Variants in CMAS observed in about 807,000 individuals in gnomAD.
CMAS encodes the protein N-acylneuraminate cytidylyltransferase.
Under a neutral mutation model 53.4 loss-of-function variants are expected in CMAS, and 21 were observed. The observed-to-expected ratio is 0.39, with a 90% CI of 0.28 to 0.57. CMAS has a LOEUF of 0.57. Ranked by LOEUF, CMAS falls within the 20% of genes least tolerant of loss-of-function variation. The pLI, the probability that CMAS is intolerant of heterozygous loss-of-function variation, is 0.56. For synonymous variants in CMAS, 189 were observed against 195.2 expected (o/e 0.97, Z 0.27); for missense variants, 384 against 534.9 (o/e 0.72, Z 2.78).
intron 2 of CMAS, 78 bp from the exon 3 acceptor site, chr12:22,055,377 A>T: frequency 1.4e-6 from 2 of 1,481,308 alleles, no homozygotes; most frequent in East Asian, 4.7e-5. Context: ...TTAACATTTG[A>T]ATTCCAAACC....
At chr12:22,051,197 A>G (rs1950238114) in intron 1 of CMAS, among the ~76,000 whole-genome samples, 1 of 152,240 alleles carries the variant, frequency 6.6e-6, no homozygotes, top group Non-Finnish European at 1.5e-5. Context: ...TTAGTAGTTA[A>G]GAAAAATGCT....
chr12:22,048,149 G>A (rs535419625), intron 1 of CMAS, among the ~76,000 whole-genome samples: 1 of 152,264 alleles, frequency 6.6e-6, no homozygotes, highest in African/African-American at 2.4e-5. Flanking sequence ...TGTATGTACC[G>A]AACCACGTGT....
At chr12:22,054,135 C>T (rs1591793058) in intron 1 of CMAS, among the ~76,000 whole-genome samples, 1 of 151,908 alleles carries the variant, frequency 6.6e-6, no homozygotes, top group East Asian at 2.0e-4. Flanking sequence ...CCGTGTTGGC[C>T]AGGCTGGTCT....
At chr12:22,063,384 G>A in intron 7 of CMAS, among the ~76,000 whole-genome samples, 1 of 152,070 alleles carries the variant, frequency 6.6e-6, no homozygotes, top group Non-Finnish European at 1.5e-5. Flanking sequence ...TTTATTAGAA[G>A]AAAATTTTAG....
At chr12:22,054,851 G>A (rs1303931148) in intron 1 of CMAS, among the ~76,000 whole-genome samples, 1 of 152,012 alleles carries the variant, frequency 6.6e-6, no homozygotes, top group Non-Finnish European at 1.5e-5. Context: ...TACCTGATAG[G>A]TAGTTTTTTG....
At chr12:22,062,213 G>T in intron 6 of CMAS, 68 bp from the exon 7 acceptor site, 1 of 1,409,354 alleles carries the variant, frequency 7.1e-7, no homozygotes, top group South Asian at 1.4e-5. Context: ...TATTATGAAA[G>T]ATTTCTGTTT....
chr12:22,058,725 C>T (rs751783096), intron 4 of CMAS, 25 bp downstream of exon 4: 118 of 1,606,012 alleles, frequency 7.3e-5, no homozygotes, highest in Non-Finnish European at 8.6e-5. Context: ...TTTGCATAAC[C>T]CTTTTAAGCG....
At chr12:22,051,654 G>A (rs1950240006) in intron 1 of CMAS, among the ~76,000 whole-genome samples, 1 of 152,072 alleles carries the variant, frequency 6.6e-6, no homozygotes, top group Non-Finnish European at 1.5e-5. Flanking sequence ...TCTTTCATAG[G>A]TTATGATCAT....
chr12:22,060,480 T>C (rs991679153), intron 4 of CMAS, among the ~76,000 whole-genome samples: 5 of 151,324 alleles, frequency 3.3e-5, no homozygotes, highest in African/African-American at 9.7e-5. Context: ...CAAGATCTTA[T>C]ATCTACAAAA....
At chr12:22,057,585 G>A (rs1021409822) in intron 3 of CMAS, among the ~76,000 whole-genome samples, 1 of 151,918 alleles carries the variant, frequency 6.6e-6, no homozygotes, top group Admixed American at 6.6e-5. Context: ...ACTTATTTCT[G>A]TATATGCAAA....
At chr12:22,046,901 T>G (rs1250388297) in intron 1 of CMAS, among the ~76,000 whole-genome samples, 1 of 152,190 alleles carries the variant, frequency 6.6e-6, no homozygotes, top group African/African-American at 2.4e-5. Flanking sequence ...GCCACCCCGG[T>G]GCAACATCTG....
At chr12:22,053,767 T>C (rs1950250435) in intron 1 of CMAS, among the ~76,000 whole-genome samples, 2 of 148,216 alleles carry the variant, frequency 1.3e-5, no homozygotes, top group African/African-American at 2.5e-5. Flanking sequence ...TAGTCCCAGC[T>C]ACTTGGGAGG....
intron 2 of CMAS, 41 bp from the exon 3 acceptor site, chr12:22,055,414 T>A: frequency 6.5e-7 from 1 of 1,534,794 alleles, no homozygotes; most frequent in Non-Finnish European, 8.7e-7. Context: ...GCAAGGAACT[T>A]TTTTTTTAAA....
At chr12:22,056,668 C>G (rs1950270276) in intron 3 of CMAS, among the ~76,000 whole-genome samples, 1 of 152,174 alleles carries the variant, frequency 6.6e-6, no homozygotes, top group African/African-American at 2.4e-5. Context: ...ACCCAGTACA[C>G]TCAGCCAAAG....
intron 1 of CMAS, among the ~76,000 whole-genome samples, chr12:22,053,996 G>A (rs1414630694): frequency 1.3e-5 from 2 of 149,802 alleles, no homozygotes; most frequent in Non-Finnish European, 3.0e-5. Context: ...GCGCGATCTC[G>A]GCTCACTGCA....
In CMAS at chr12:22,046,318, G is replaced by A; in HGVS notation, c.15G>A (p.Glu5=). 2 of 1,487,186 alleles carry A rather than the reference G, an allele frequency of 1.3e-6. No homozygotes were observed. The highest frequency in any genetic ancestry group is 1.8e-6 in the Non-Finnish European group (2 of 1,117,644). The allele number at this position is 1,487,186 out of a possible 1,614,324, so 92.1% of individuals were successfully genotyped here. A position where few individuals can be genotyped will look rare whatever the true frequency, so the allele number is the denominator to read the frequency against. The change falls in exon 1 of 8, where the codon GAG becomes GAA. Residue 5 remains glutamate, a synonymous_variant. Transcript: ENST00000229329. MDSV[E]KGAATSVSNP... ...GTGGGAGGAAGATGGACTCGGTGGA[G>A]AAGGGGGCCGCCACCTCCGTCTCCA... is the stretch of plus-strand genomic sequence containing the variant.
chr12:22,060,195 G>A (rs1950298811), intron 4 of CMAS, among the ~76,000 whole-genome samples: 2 of 151,758 alleles, frequency 1.3e-5, no homozygotes. Context: ...AAAATCCCTT[G>A]TGGTCAGAAA....
intron 4 of CMAS, among the ~76,000 whole-genome samples, chr12:22,059,900 T>G (rs1393782309): frequency 6.6e-6 from 1 of 152,152 alleles, no homozygotes; most frequent in Non-Finnish European, 1.5e-5. Context: ...ATTCAAATAA[T>G]TACTATCAGA....
chr12:22,053,142 CGG>C (rs1191373294), intron 1 of CMAS, among the ~76,000 whole-genome samples: 1 of 151,554 alleles, frequency 6.6e-6, no homozygotes, highest in Admixed American at 6.6e-5. Flanking sequence ...AAAAATTGGT[CGG>C]GCGTGGTGAC....
Sources: gnomAD v4.1 joint callset for allele counts (sites outside exome capture counted in the v4.1 genomes callset) on GRCh38, gnomAD v4.1.1 for gene constraint, MANE v1.5 for transcripts, NCBI Gene and HGNC (gene_info 2026-07-23, HGNC 2026-07-21) for gene names.